The following MAF variants were observed in gnomAD, a reference collection of about 807,000 sequenced individuals.
The protein encoded by MAF is transcription factor Maf.
In MAF, 10 loss-of-function variants were observed where a neutral mutation model predicts 22.0. The observed-to-expected ratio is 0.45, with a 90% CI of 0.28 to 0.77. MAF has a LOEUF of 0.77. Among genes scored for constraint, MAF ranks in the 30% least tolerant of loss-of-function variants. MAF has a pLI of 0.12. For missense variants in MAF, 544 were observed against 548.4 expected (o/e 0.99, Z 0.08); for synonymous variants, 337 against 255.8 (o/e 1.32, Z -3.03).
chr16:79,547,621 G>T, the MAF span, among the ~76,000 whole-genome samples: 1 of 152,028 alleles, frequency 6.6e-6, no homozygotes, highest in Non-Finnish European at 1.5e-5. Flanking sequence ...GCAACAAATA[G>T]TTCCCTCTGG....
At chr16:79,422,236 A>G in the MAF span, among the ~76,000 whole-genome samples, 1 of 152,226 alleles carries the variant, frequency 6.6e-6, no homozygotes, top group Non-Finnish European at 1.5e-5. Context: ...TAAGAACCTT[A>G]TTCAGCATAT....
chr16:79,600,062 T>A lies in MAF; in HGVS notation c.-160A>T, dbSNP rs2143822573. On this transcript the variant is annotated 5_prime_UTR_variant, in exon 1 of 2. Transcript: ENST00000326043. The stretch of plus-strand genomic sequence containing the variant: ...GCTGGCCCGAAACCTCCGAGCGCGC[T>A]CACACACACACCCCCCCGCCCTGCC... 1 of 899,484 alleles carries A rather than the reference T, an allele frequency of 1.1e-6. No individual in the cohort carries two copies. The highest frequency in any genetic ancestry group is 1.7e-6 in the Non-Finnish European group (1 of 601,356). The allele number at this position is 899,484 out of a possible 1,614,324, so 55.7% of individuals were successfully genotyped here.
At chr16:79,487,843 G>A in the MAF span, among the ~76,000 whole-genome samples, 1 of 152,144 alleles carries the variant, frequency 6.6e-6, no homozygotes, top group Non-Finnish European at 1.5e-5. Context: ...TGCTCTTGAT[G>A]GTAAACAGCT....
At chr16:79,227,672 G>T in the MAF span, among the ~76,000 whole-genome samples, 2 of 151,688 alleles carry the variant, frequency 1.3e-5, no homozygotes, top group African/African-American at 4.8e-5. Flanking sequence ...TGAACTAAAT[G>T]ATAAGCTGAA....
the MAF span, among the ~76,000 whole-genome samples, chr16:79,464,599 G>T: frequency 3.9e-5 from 6 of 152,172 alleles, no homozygotes; most frequent in Non-Finnish European, 5.9e-5. Context: ...TCAGCCCAAG[G>T]CTGCCATTTT....
chr16:79,565,028 G>A, the MAF span, among the ~76,000 whole-genome samples: 12 of 152,050 alleles, frequency 7.9e-5, no homozygotes, highest in African/African-American at 2.7e-4. Context: ...GCAAGAGTCC[G>A]GGCCCTGACA....
chr16:79,436,907 T>C, the MAF span, among the ~76,000 whole-genome samples: 1 of 152,180 alleles, frequency 6.6e-6, no homozygotes, highest in African/African-American at 2.4e-5. Flanking sequence ...TTTGACTGTC[T>C]TGGGCAAAGT....
the MAF span, among the ~76,000 whole-genome samples, chr16:79,218,587 G>T: frequency 2.0e-5 from 3 of 152,100 alleles, no homozygotes; most frequent in African/African-American, 7.2e-5. Flanking sequence ...ATCAACACAG[G>T]GTGTTCCCAC....
At chr16:79,598,576 T>C in intron 1 of MAF, 2 of 1,329,334 alleles carry the variant, frequency 1.5e-6, no homozygotes, top group South Asian at 3.1e-5. Flanking sequence ...TCGAGCAGGG[T>C]GTGGGGTGTG....
At chr16:79,368,710 T>A in the MAF span, among the ~76,000 whole-genome samples, 2 of 152,150 alleles carry the variant, frequency 1.3e-5, no homozygotes, top group Admixed American at 6.6e-5. Flanking sequence ...TAGTGTATAT[T>A]TCTGGAATGT....
chr16:79,297,593 A>G, the MAF span, among the ~76,000 whole-genome samples: 1 of 152,200 alleles, frequency 6.6e-6, no homozygotes, highest in Non-Finnish European at 1.5e-5. Context: ...GACTCTCCTT[A>G]TAGATTTTGT....
chr16:79,570,707 C>T, the MAF span, among the ~76,000 whole-genome samples: 5 of 152,174 alleles, frequency 3.3e-5, no homozygotes, highest in Admixed American at 1.3e-4. Context: ...AATATTCCCA[C>T]GATGGCCAAT....
chr16:79,598,422 A>AAT, intron 1 of MAF: 3 of 512,350 alleles, frequency 5.9e-6, no homozygotes, highest in Non-Finnish European at 8.6e-6. Context: ...ATCATTGAAC[A>AAT]TTGTGCAAGT....
the MAF span, among the ~76,000 whole-genome samples, chr16:79,214,151 T>TC: frequency 2.0e-5 from 3 of 152,268 alleles, no homozygotes; most frequent in South Asian, 6.2e-4. Flanking sequence ...CCATTCTTAT[T>TC]CCCCTTCCCC....
At chr16:79,510,034 C>A in the MAF span, among the ~76,000 whole-genome samples, 1 of 152,174 alleles carries the variant, frequency 6.6e-6, no homozygotes, top group African/African-American at 2.4e-5. Context: ...AGAACAGTTA[C>A]AAAGTCACTG....
At chr16:79,361,280 T>C in the MAF span, among the ~76,000 whole-genome samples, 1 of 152,080 alleles carries the variant, frequency 6.6e-6, no homozygotes, top group African/African-American at 2.4e-5. Context: ...TCTACCAGCA[T>C]CCATGGAGAG....
chr16:79,378,230 A>T, the MAF span, among the ~76,000 whole-genome samples: 1 of 152,182 alleles, frequency 6.6e-6, no homozygotes, highest in Non-Finnish European at 1.5e-5. Context: ...ACAGCCCCCA[A>T]ATGGAAAAGT....
At chr16:79,480,553 C>G in the MAF span, among the ~76,000 whole-genome samples, 6 of 152,070 alleles carry the variant, frequency 3.9e-5, no homozygotes, top group Non-Finnish European at 5.9e-5. Flanking sequence ...TTCCCAACAT[C>G]CAAGTGCAGT....
chr16:79,432,795 C>A, the MAF span, among the ~76,000 whole-genome samples: 163 of 152,236 alleles, frequency 1.1e-3, no homozygotes, highest in African/African-American at 3.7e-3. Flanking sequence ...TCAGGCGATG[C>A]ATGTACAAGC....
Sources: gnomAD v4.1 joint callset for allele counts (sites outside exome capture counted in the v4.1 genomes callset) on GRCh38, gnomAD v4.1.1 for gene constraint, MANE v1.5 for transcripts, NCBI Gene and HGNC (gene_info 2026-07-23, HGNC 2026-07-21) for gene names.